Variants in NNMT observed in about 807,000 individuals in gnomAD.
The protein encoded by NNMT is nicotinamide N-methyltransferase.
A neutral mutation model predicts 11.7 loss-of-function variants in NNMT; 10 were observed. The ratio of observed to expected loss-of-function variants is 0.85; its 90% CI spans 0.53 to 1.45. NNMT has a LOEUF of 1.45. Ranked by LOEUF, NNMT falls within the 40% of genes most tolerant of loss-of-function variation. NNMT has a pLI of 0.00. For synonymous variants in NNMT, 143 were observed against 133.8 expected (o/e 1.07, Z -0.48); for missense variants, 381 against 319.4 (o/e 1.19, Z -1.47).
intron 2 of NNMT, among the ~76,000 whole-genome samples, chr11:114,302,457 G>A (rs767253916): frequency 2.6e-4 from 40 of 152,002 alleles, no homozygotes; most frequent in Non-Finnish European, 1.9e-4. Flanking sequence ...TTCCTTAACC[G>A]ACTTTCCTGG....
chr11:114,306,710 T>G (rs1254899895), intron 2 of NNMT, among the ~76,000 whole-genome samples: 1 of 152,240 alleles, frequency 6.6e-6, no homozygotes, highest in East Asian at 1.9e-4. Flanking sequence ...TGTTCTACAT[T>G]TCTGTTTTGG....
At chr11:114,270,801 T>TC (rs1945163383) in intron 2 of NNMT, among the ~76,000 whole-genome samples, 1 of 152,000 alleles carries the variant, frequency 6.6e-6, no homozygotes, top group African/African-American at 2.4e-5. Context: ...TTTTTTTTTT[T>TC]TCTCGCTTTG....
intron 2 of NNMT, among the ~76,000 whole-genome samples, chr11:114,300,334 T>C (rs549895938): frequency 6.6e-6 from 1 of 152,186 alleles, no homozygotes; most frequent in African/African-American, 2.4e-5. Flanking sequence ...TTTAGAATTA[T>C]GTTGCTTAAT....
At chr11:114,294,371 G>T (rs1229143534), upstream of NNMT, among the ~76,000 whole-genome samples, 1 of 151,840 alleles carries the variant, frequency 6.6e-6, no homozygotes, top group Non-Finnish European at 1.5e-5. Context: ...CCAGCTGCTT[G>T]GGAGGCTGAG....
chr11:114,274,877 C>A (rs1157239044), intron 2 of NNMT, among the ~76,000 whole-genome samples: 1 of 152,204 alleles, frequency 6.6e-6, no homozygotes, highest in African/African-American at 2.4e-5. Context: ...CCTGTGGAAG[C>A]TTTCTGTGGG....
chr11:114,304,076 G>T (rs1945467282), intron 2 of NNMT, among the ~76,000 whole-genome samples: 1 of 152,018 alleles, frequency 6.6e-6, no homozygotes, highest in Non-Finnish European at 1.5e-5. Context: ...GAATGAAATT[G>T]ATATTAACTA....
intron 1 of NNMT, among the ~76,000 whole-genome samples, chr11:114,258,305 A>C (rs1010946218): frequency 2.6e-5 from 4 of 152,234 alleles, no homozygotes; most frequent in Non-Finnish European, 5.9e-5. Context: ...CGTTTGGGTC[A>C]TTTCAGCCTT....
chr11:114,262,714 T>G (rs755618558), intron 1 of NNMT: 1 of 152,228 alleles, frequency 6.6e-6, no homozygotes, highest in Non-Finnish European at 1.5e-5. Flanking sequence ...TCTAGGATTC[T>G]AGGACTCTAG....
At position 114,312,463 on chromosome 11, in the gene NNMT, A is replaced by G; in HGVS notation, c.781A>G (p.Ser261Gly). Residue 261 changes from serine (S) to glycine (G), a missense_variant, in exon 3 of 3, where the codon AGC becomes GGC. By Grantham distance (56) the Ser-to-Gly change is moderately conservative (BLOSUM62 0). Coordinates refer to ENST00000299964, the MANE Select transcript of NNMT (RefSeq NM_006169.3). ...TTTCTCCCTGGTGGCGAGGAAGCTG[A>G]GCAGACCCCTGTGATGCCTGTGACC... is the stretch of plus-strand genomic sequence containing the variant. ...GLFSLVARKL[S>G]RPL The G allele has an allele frequency of 6.2e-7, 1 of 1,613,558 alleles. No homozygotes were observed. The highest frequency in any genetic ancestry group is 8.5e-7 in the Non-Finnish European group (1 of 1,179,680).
chr11:114,298,244 G>C (rs1290677305), intron 2 of NNMT, 86 bp downstream of exon 2: 21 of 1,156,288 alleles, frequency 1.8e-5, no homozygotes, highest in Non-Finnish European at 2.7e-5. Flanking sequence ...GGACCAAAGA[G>C]AAATCCAAAT....
At chr11:114,309,810 C>T (rs559036008) in intron 2 of NNMT, among the ~76,000 whole-genome samples, 123 of 152,312 alleles carry the variant, frequency 8.1e-4, no homozygotes, top group Non-Finnish European at 1.3e-3. Context: ...CTCCTGGCAA[C>T]CACTGGTCTG....
In NNMT at chr11:114,313,472, C is replaced by T. The variant is rs368299516; in HGVS notation, c.*995C>T. On this transcript the variant is annotated 3_prime_UTR_variant, in exon 3 of 3. Transcript: ENST00000299964. ...TTCCAGACAGAGTGCGATGCTGTCTCGAAAAAAGTAAAATAATAAATAAAT... is the reference window on the plus strand; with the variant it reads ...TTCCAGACAGAGTGCGATGCTGTCTTGAAAAAAGTAAAATAATAAATAAAT... Among the ~76,000 whole-genome samples the T allele has an allele frequency of 4.0e-5, 6 of 150,532 alleles. No homozygotes were observed. The highest frequency in any genetic ancestry group is 2.1e-4 in the South Asian group (1 of 4,770).
chr11:114,312,556 T>C lies in NNMT; in HGVS notation c.*79T>C. ...CCTTGTTTCTAACTGCCAAGTCATG[T>C]GCTGAGTAGAGGCTCAGTGGTTGGG... On this transcript the variant is annotated 3_prime_UTR_variant, in exon 3 of 3. Transcript: ENST00000299964. 7.1e-7 allele frequency: 1 copy of C among 1,415,464 alleles called. No individual in the cohort carries two copies. Among genetic ancestry groups the C allele is most frequent in the South Asian group, 1.3e-5 (1 of 78,552 alleles). The allele number at this position is 1,415,464 out of a possible 1,614,324, so 87.7% of individuals were successfully genotyped here.
At chr11:114,261,358 G>T (rs956887610) in intron 1 of NNMT, among the ~76,000 whole-genome samples, 2 of 152,194 alleles carry the variant, frequency 1.3e-5, no homozygotes, top group African/African-American at 2.4e-5. Flanking sequence ...GAGGCGGGTG[G>T]ATCACCTGAA....
At chr11:114,288,452 TTC>T (rs1491348072) in intron 2 of NNMT, among the ~76,000 whole-genome samples, 1 of 152,158 alleles carries the variant, frequency 6.6e-6, no homozygotes, top group Non-Finnish European at 1.5e-5. Flanking sequence ...TTTTTTTTTT[TTC>T]TGCATCTGTT....
At chr11:114,302,962 A>T (rs542407145) in intron 2 of NNMT, among the ~76,000 whole-genome samples, 3 of 152,238 alleles carry the variant, frequency 2.0e-5, no homozygotes, top group Non-Finnish European at 2.9e-5. Context: ...GACCCTGACC[A>T]GGCTGGCATC....
intron 1 of NNMT, chr11:114,297,482 T>TG (rs1945393335): frequency 1.0e-3 from 1 of 982 alleles, no homozygotes; most frequent in African/African-American, 1.5e-3. Flanking sequence ...AAATATGGGA[T>TG]TTTTTTTTTT....
intron 2 of NNMT, among the ~76,000 whole-genome samples, chr11:114,279,488 A>G (rs920155142): frequency 3.3e-5 from 5 of 152,130 alleles, no homozygotes; most frequent in African/African-American, 9.7e-5. Flanking sequence ...TGCTAAAAGC[A>G]TGGTGCTGGG....
At chr11:114,298,214 C>G in intron 2 of NNMT, 56 bp downstream of exon 2, 1 of 1,465,006 alleles carries the variant, frequency 6.8e-7, no homozygotes, top group Non-Finnish European at 9.5e-7. Flanking sequence ...TGATGGTTGG[C>G]AAAAGCAACA....
Sources: gnomAD v4.1 joint callset for allele counts (sites outside exome capture counted in the v4.1 genomes callset) on GRCh38, gnomAD v4.1.1 for gene constraint, MANE v1.5 for transcripts, NCBI Gene and HGNC (gene_info 2026-07-23, HGNC 2026-07-21) for gene names.